Variants in TSPEAR observed in about 807,000 individuals in gnomAD.
TSPEAR encodes thrombospondin type laminin G domain and EAR repeats.
TSPEAR carries 69 observed loss-of-function variants against 71.6 expected under a neutral mutation model. That is an observed-to-expected ratio of 0.96 (90% CI 0.79 to 1.18). TSPEAR has a LOEUF of 1.18. Ranked by LOEUF, TSPEAR falls within the 50% of genes most tolerant of loss-of-function variation. TSPEAR has a pLI of 0.00. For synonymous variants in TSPEAR, 402 were observed against 387.2 expected (o/e 1.04, Z -0.45); for missense variants, 971 against 894.9 (o/e 1.09, Z -1.09).
intron 1 of TSPEAR, chr21:44,697,828 G>T (rs782380109): frequency 7.2e-5 from 116 of 1,613,372 alleles, no homozygotes; most frequent in Admixed American, 1.7e-4. Context: ...CCCGCCGCGT[G>T]CCCGTCCCCT....
chr21:44,576,790 G>C (rs146243538), intron 1 of TSPEAR, among the ~76,000 whole-genome samples: 1 of 152,130 alleles, frequency 6.6e-6, no homozygotes, highest in Non-Finnish European at 1.5e-5. Context: ...AAACCAAGCC[G>C]ACTTAAGGGA....
intron 9 of TSPEAR, among the ~76,000 whole-genome samples, chr21:44,513,424 AAG>A (rs1349244400): frequency 5.3e-5 from 8 of 152,200 alleles, no homozygotes; most frequent in Non-Finnish European, 1.0e-4. Context: ...AGGAGAGAGA[AAG>A]AATCTTCACA....
intron 1 of TSPEAR, among the ~76,000 whole-genome samples, chr21:44,684,245 C>T (rs8126793): frequency 0.64 from 97,479 of 152,054 alleles, 31,410 homozygotes; most frequent in South Asian, 0.72. Context: ...AAGACTGAGA[C>T]TGAGGCCGGG....
At chr21:44,611,898 T>C (rs941476035) in intron 1 of TSPEAR, among the ~76,000 whole-genome samples, 1 of 152,102 alleles carries the variant, frequency 6.6e-6, no homozygotes, top group Admixed American at 6.5e-5. Context: ...CATGCAGCAG[T>C]CCTGGGACCA....
intron 1 of TSPEAR, among the ~76,000 whole-genome samples, chr21:44,577,780 G>C (rs1389638746): frequency 6.6e-6 from 1 of 152,156 alleles, no homozygotes; most frequent in African/African-American, 2.4e-5. Context: ...AAATGAAATT[G>C]GCAAATTTCT....
intron 2 of TSPEAR, chr21:44,551,646 C>A: frequency 1.2e-6 from 1 of 816,332 alleles, no homozygotes. Flanking sequence ...GCCGGGAGGA[C>A]CCTCATTATT....
chr21:44,691,689 T>G (rs1262934670), intron 1 of TSPEAR, among the ~76,000 whole-genome samples: 1 of 152,112 alleles, frequency 6.6e-6, no homozygotes, highest in Non-Finnish European at 1.5e-5. Context: ...CAATAGGAAA[T>G]AGAGAACTGA....
intron 1 of TSPEAR, chr21:44,702,809 G>T: frequency 8.5e-7 from 1 of 1,178,224 alleles, no homozygotes; most frequent in Non-Finnish European, 1.2e-6. Context: ...TGACGGGCAC[G>T]TCCCCCAGGG....
chr21:44,581,949 A>G (rs1979004840), intron 1 of TSPEAR, among the ~76,000 whole-genome samples: 1 of 152,232 alleles, frequency 6.6e-6, no homozygotes, highest in Admixed American at 6.5e-5. Flanking sequence ...CTACAAATAT[A>G]TAAAGGATTT....
intron 1 of TSPEAR, among the ~76,000 whole-genome samples, chr21:44,616,751 G>A (rs939951240): frequency 4.6e-5 from 7 of 152,276 alleles, no homozygotes; most frequent in Non-Finnish European, 8.8e-5. Context: ...CGCAGGCAGC[G>A]CACGGACAGA....
intron 1 of TSPEAR, among the ~76,000 whole-genome samples, chr21:44,585,736 C>CT (rs1179455943): frequency 6.6e-6 from 1 of 152,148 alleles, no homozygotes; most frequent in Non-Finnish European, 1.5e-5. Context: ...TCTCCTTCTC[C>CT]TTTTTGGTAG....
chr21:44,596,900 T>A (rs1166120838), intron 1 of TSPEAR, among the ~76,000 whole-genome samples: 1 of 152,252 alleles, frequency 6.6e-6, no homozygotes, highest in Non-Finnish European at 1.5e-5. Flanking sequence ...CTTTCTCTGA[T>A]ATACAGATAG....
rs191042048 is a variant in TSPEAR at position 44,698,147 on chromosome 21, C to T, written c.82+13286G>A. 6.4e-4 allele frequency: 417 copies of T among 649,026 alleles called. 3 individuals are homozygous for T. The East Asian group carries it at 0.011, about 17-fold the overall frequency. 40.2% of individuals were successfully genotyped at this position (649,026 alleles called of 1,614,324 possible). On this transcript the variant is annotated intron_variant, in intron 1 of 11. Coordinates refer to ENST00000323084, the MANE Select transcript of TSPEAR (RefSeq NM_144991.3). ...ATGACCCTGCCTCCACCCACTCCCC[C>T]GGCTCTTCCAGACCACTTCCCACAT... is the stretch of plus-strand genomic sequence containing the variant.
chr21:44,702,294 C>T (rs570498449), intron 1 of TSPEAR: 32 of 1,609,530 alleles, frequency 2.0e-5, no homozygotes, highest in Middle Eastern at 2.1e-4. Flanking sequence ...CCTGCTGCGC[C>T]GCCAGCTGCT....
At chr21:44,587,655 C>T (rs1218430330) in intron 1 of TSPEAR, among the ~76,000 whole-genome samples, 2 of 152,180 alleles carry the variant, frequency 1.3e-5, no homozygotes, top group Non-Finnish European at 2.9e-5. Flanking sequence ...GTCACCAAAA[C>T]AGCATTGGTA....
Position 44,689,708 on chromosome 21 carries a change from AATGAATATATATATATATAT to A in TSPEAR, c.82+21705_82+21724del, listed in dbSNP as rs1214013433. ...GGGTTCCCTTAGAGGGACAGAATAG[AATGAATATATATATATATAT>A]ATATATATATATTTTGGGGGGGGTT... On this transcript the variant is annotated intron_variant, in intron 1 of 11. Coordinates refer to ENST00000323084, the MANE Select transcript of TSPEAR (RefSeq NM_144991.3). Among the ~76,000 whole-genome samples the A allele has an allele frequency of 2.6e-4, 10 of 38,498 alleles. 1 individual carries two copies. The highest frequency in any genetic ancestry group is 7.3e-4 in the African/African-American group (6 of 8,254). The allele number at this position is 38,498 out of a possible 152,430, so 25.3% of individuals were successfully genotyped here.
chr21:44,677,029 C>T (rs1044206439), intron 1 of TSPEAR: 35 of 858,862 alleles, frequency 4.1e-5, no homozygotes, highest in East Asian at 3.5e-4. Flanking sequence ...GTCCAGCTGT[C>T]GTTTAAAGTC....
intron 1 of TSPEAR, among the ~76,000 whole-genome samples, chr21:44,692,368 G>A (rs887613172): frequency 3.3e-5 from 5 of 151,796 alleles, no homozygotes; most frequent in African/African-American, 1.2e-4. Context: ...TATTAAACAA[G>A]AAAAATAAAT....
intron 1 of TSPEAR, among the ~76,000 whole-genome samples, chr21:44,649,843 C>A (rs1245213574): frequency 1.3e-5 from 2 of 152,194 alleles, no homozygotes; most frequent in Non-Finnish European, 2.9e-5. Flanking sequence ...TGAAAGACGC[C>A]ACAGCCCACT....
Sources: gnomAD v4.1 joint callset for allele counts (sites outside exome capture counted in the v4.1 genomes callset) on GRCh38, gnomAD v4.1.1 for gene constraint, MANE v1.5 for transcripts, NCBI Gene and HGNC (gene_info 2026-07-23, HGNC 2026-07-21) for gene names.